USP54: variants seen among roughly 807,000 people sequenced by gnomAD.
USP54 encodes ubiquitin carboxyl-terminal hydrolase 54.
USP54 carries 87 observed loss-of-function variants against 170.5 expected under a neutral mutation model. That is an observed-to-expected ratio of 0.51 (90% confidence interval 0.43 to 0.61). The LOEUF (loss-of-function observed/expected upper bound fraction) is 0.61. Among genes scored for constraint, USP54 ranks in the 20% least tolerant of loss-of-function variants. The pLI, the probability that USP54 is intolerant of heterozygous loss-of-function variation, is 0.00. For missense variants in USP54, 1,786 were observed against 2,047.8 expected, an observed-to-expected ratio of 0.87 and a Z score of 2.47; for synonymous variants, 655 against 742.8, an observed-to-expected ratio of 0.88 and a Z score of 1.92.
intron 20 of USP54, chr10:73,505,769 C>T: frequency 5.8e-6 from 1 of 172,352 alleles, no homozygotes; most frequent in Non-Finnish European, 1.2e-5. Context: ...ACTCGGGAGG[C>T]TGAGGCAGGA....
chr10:73,571,793 A>T (rs2075249383), intron 3 of USP54, among the ~76,000 whole-genome samples: 4 of 152,180 alleles, frequency 2.6e-5, no homozygotes, highest in Admixed American at 2.6e-4. Context: ...CGGAAGAGGA[A>T]ATTTACGGGT....
intron 4 of USP54, among the ~76,000 whole-genome samples, chr10:73,551,633 A>G (rs2069388075): frequency 6.6e-6 from 1 of 152,234 alleles, no homozygotes; most frequent in Admixed American, 6.5e-5. Flanking sequence ...AGGTCAACCC[A>G]GCTTGGCAAA....
At chr10:73,598,950 A>G (rs1337790274) in intron 1 of USP54, among the ~76,000 whole-genome samples, 1 of 148,962 alleles carries the variant, frequency 6.7e-6, no homozygotes, top group Non-Finnish European at 1.5e-5. Flanking sequence ...TTGGTGGCGC[A>G]TGCCTGTAGT....
intron 20 of USP54, among the ~76,000 whole-genome samples, chr10:73,509,438 C>CT (rs1354215822): frequency 0.019 from 2,678 of 140,716 alleles, 85 homozygotes; most frequent in African/African-American, 0.064. Context: ...CCTGTCTCTA[C>CT]CAAAAAAAAA....
intron 1 of USP54, among the ~76,000 whole-genome samples, chr10:73,604,981 G>C (rs1405296548): frequency 6.6e-6 from 1 of 152,074 alleles, no homozygotes. Context: ...CCTGCTGATC[G>C]GTCCATTTTA....
At chr10:73,620,380 T>C (rs972975444) in intron 1 of USP54, among the ~76,000 whole-genome samples, 1 of 149,694 alleles carries the variant, frequency 6.7e-6, no homozygotes, top group African/African-American at 2.5e-5. Context: ...ATAAAATGAA[T>C]AGAATGGACT....
intron 22 of USP54, among the ~76,000 whole-genome samples, chr10:73,504,003 A>T (rs1449959791): frequency 6.6e-6 from 1 of 152,260 alleles, no homozygotes; most frequent in Non-Finnish European, 1.5e-5. Flanking sequence ...GGCATGAGCC[A>T]CCACGCCTGG....
intron 4 of USP54, among the ~76,000 whole-genome samples, chr10:73,553,707 GA>G (rs1254697681): frequency 1.3e-5 from 2 of 152,202 alleles, no homozygotes; most frequent in African/African-American, 4.8e-5. Flanking sequence ...CTTTTCCTGT[GA>G]GGTCCCTGAT....
At chr10:73,624,175 TATATATATATATATATA>T (rs2081302452) in intron 1 of USP54, among the ~76,000 whole-genome samples, 18 of 116,596 alleles carry the variant, frequency 1.5e-4, no homozygotes, top group South Asian at 3.2e-4. Flanking sequence ...TATATATATA[TATATATATATATATATA>T]TATGTATTTT....
Position 73,530,438 on chromosome 10 carries a change from T to G in USP54, c.1533A>C (p.Thr511=). ...GTCTGTTATGGATCATATTGCTGAC[T>G]GTCTCTTTAAAATCTCTCAGCCTGT... The part of the protein sequence containing the change: ...STNRLRDFKE[T]VSNMIHNRPS... The change falls in exon 14 of 24, where the codon ACA becomes ACC. Residue 511 remains threonine, a synonymous_variant. Transcript: ENST00000687698. 1 of 1,614,230 alleles carries G rather than the reference T, an allele frequency of 6.2e-7. No individual in the cohort carries two copies. Among genetic ancestry groups the G allele is most frequent in the Non-Finnish European group, 8.5e-7 (1 of 1,180,044 alleles).
chr10:73,577,542 A>G (rs1022028541), intron 1 of USP54, among the ~76,000 whole-genome samples: 1 of 152,180 alleles, frequency 6.6e-6, no homozygotes, highest in Non-Finnish European at 1.5e-5. Flanking sequence ...AGCTACAGTC[A>G]GGTATGTGCT....
At chr10:73,514,140 T>C (rs563245266) in intron 20 of USP54, among the ~76,000 whole-genome samples, 17 of 152,224 alleles carry the variant, frequency 1.1e-4, no homozygotes, top group African/African-American at 4.1e-4. Context: ...GTATTTTTAG[T>C]AGAGACGGGG....
At chr10:73,624,339 A>C (rs1482330252) in intron 1 of USP54, 1 of 137,056 alleles carries the variant, frequency 7.3e-6, no homozygotes, top group Non-Finnish European at 1.6e-5. Flanking sequence ...CTGGGATTGC[A>C]GGCGCGCGCC....
chr10:73,619,135 C>T (rs1468080567), intron 1 of USP54, among the ~76,000 whole-genome samples: 1 of 150,438 alleles, frequency 6.6e-6, no homozygotes, highest in Non-Finnish European at 1.5e-5. Flanking sequence ...ATCACTTGAA[C>T]CCAGGAGGTG....
chr10:73,620,294 C>T (rs1402850841), intron 1 of USP54, among the ~76,000 whole-genome samples: 11 of 144,812 alleles, frequency 7.6e-5, no homozygotes, highest in African/African-American at 3.0e-4. Context: ...GCCTGGGCGA[C>T]AGAGCGAGAC....
At chr10:73,537,564 A>G (rs2065483144) in intron 10 of USP54, among the ~76,000 whole-genome samples, 1 of 152,130 alleles carries the variant, frequency 6.6e-6, no homozygotes, top group Non-Finnish European at 1.5e-5. Flanking sequence ...CCTTATAACT[A>G]TCCCAAAACA....
At chr10:73,592,224 AAAG>A (rs2078319025), upstream of USP54, among the ~76,000 whole-genome samples, 1 of 152,142 alleles carries the variant, frequency 6.6e-6, no homozygotes, top group Non-Finnish European at 1.5e-5. Context: ...AGTTTTATTG[AAAG>A]AAGTTGTTTT....
chr10:73,595,638 T>A (rs943873797), upstream of USP54, among the ~76,000 whole-genome samples: 2 of 152,230 alleles, frequency 1.3e-5, no homozygotes, highest in African/African-American at 4.8e-5. Context: ...TTTAACTATA[T>A]CTTGCATAAT....
chr10:73,535,519 C>T (rs1162020102), intron 11 of USP54, among the ~76,000 whole-genome samples: 1 of 152,100 alleles, frequency 6.6e-6, no homozygotes, highest in African/African-American at 2.4e-5. Context: ...ATATTTCTTC[C>T]TCCTTTTCAG....
Sources: gnomAD v4.1 joint callset for allele counts (sites outside exome capture counted in the v4.1 genomes callset) on GRCh38, gnomAD v4.1.1 for gene constraint, MANE v1.5 for transcripts, NCBI Gene and HGNC (gene_info 2026-07-23, HGNC 2026-07-21) for gene names.